NR6A1: variants seen among roughly 807,000 people sequenced by gnomAD.
The protein encoded by NR6A1 is retinoic acid receptor-related testis-associated receptor.
NR6A1 carries 7 observed loss-of-function variants against 59.1 expected under a neutral mutation model. The ratio of observed to expected loss-of-function variants is 0.12; its 90% CI spans 0.07 to 0.22. The LOEUF is 0.22. NR6A1 is among the 10% of genes least tolerant of loss of function. The pLI is 1.00. For missense variants in NR6A1, 468 were observed against 611.6 expected (o/e 0.77, Z 2.48); for synonymous variants, 243 against 236.1 (o/e 1.03, Z -0.27).
intron 1 of NR6A1, among the ~76,000 whole-genome samples, chr9:124,738,156 A>C (rs2131140484): frequency 6.6e-6 from 1 of 152,172 alleles, no homozygotes; most frequent in African/African-American, 2.4e-5. Context: ...CAGGAGGCTG[A>C]GGCAAGAGAA....
chr9:124,649,982 G>A (rs1837050532), intron 2 of NR6A1, among the ~76,000 whole-genome samples: 2 of 152,156 alleles, frequency 1.3e-5, no homozygotes, highest in African/African-American at 4.8e-5. Flanking sequence ...CTTCTACACT[G>A]TTGATGGGAA....
chr9:124,528,686 T>C (rs888443123), intron 7 of NR6A1, among the ~76,000 whole-genome samples: 1 of 149,600 alleles, frequency 6.7e-6, no homozygotes, highest in Admixed American at 6.7e-5. Flanking sequence ...GGCAATAGAG[T>C]GAGACCCTGT....
chr9:124,669,009 C>G (rs1396998840), intron 2 of NR6A1, among the ~76,000 whole-genome samples: 1 of 152,002 alleles, frequency 6.6e-6, no homozygotes, highest in Admixed American at 6.6e-5. Context: ...ATTATACATC[C>G]CTAACAAATA....
In NR6A1 at chr9:124,522,365, C is replaced by T. The variant is rs1260367661; in HGVS notation, c.*340G>A. 3.4e-5 allele frequency: 6 copies of T among 178,478 alleles called. No homozygotes were observed. The highest frequency in any genetic ancestry group is 6.0e-5 in the Non-Finnish European group (5 of 82,914). The allele number at this position is 178,478 out of a possible 1,614,324, so 11.1% of individuals were successfully genotyped here. ...AATAGTCATCTTAGCCCCATCCCAC[C>T]CTCTCCCTCAAAATACAAAAGAACT... On this transcript the variant is annotated 3_prime_UTR_variant, in exon 10 of 10. Transcript: ENST00000487099.
At chr9:124,602,505 T>C (rs1250722104) in intron 2 of NR6A1, among the ~76,000 whole-genome samples, 2 of 152,174 alleles carry the variant, frequency 1.3e-5, no homozygotes, top group Admixed American at 1.3e-4. Context: ...AGTCTCAAAC[T>C]TGGGGGCAGA....
At chr9:124,554,671 C>T in intron 2 of NR6A1, 101 bp from the exon 3 acceptor site, 1 of 1,488,896 alleles carries the variant, frequency 6.7e-7, no homozygotes. Context: ...CCACCACTAT[C>T]TCCAGGCTAA....
At chr9:124,717,243 G>A (rs1332382730) in intron 2 of NR6A1, among the ~76,000 whole-genome samples, 1 of 152,156 alleles carries the variant, frequency 6.6e-6, no homozygotes, top group Non-Finnish European at 1.5e-5. Context: ...CTAGATGTAT[G>A]ACTAAGAGAA....
intron 2 of NR6A1, among the ~76,000 whole-genome samples, chr9:124,732,543 C>A (rs1839914554): frequency 6.6e-6 from 1 of 152,070 alleles, no homozygotes; most frequent in Non-Finnish European, 1.5e-5. Flanking sequence ...AACCATAAGA[C>A]CGTAAATGAA....
At chr9:124,701,283 T>C (rs1463934823) in intron 2 of NR6A1, among the ~76,000 whole-genome samples, 1 of 152,228 alleles carries the variant, frequency 6.6e-6, no homozygotes, top group Non-Finnish European at 1.5e-5. Flanking sequence ...CCTGAGGGTG[T>C]ACAGTGGACA....
intron 2 of NR6A1, among the ~76,000 whole-genome samples, chr9:124,727,075 T>C (rs964672232): frequency 1.6e-4 from 25 of 152,142 alleles, no homozygotes; most frequent in African/African-American, 6.0e-4. Flanking sequence ...TGCTGAATCA[T>C]TTTTAAATGG....
chr9:124,627,130 T>C (rs896235928), intron 2 of NR6A1, among the ~76,000 whole-genome samples: 1 of 152,214 alleles, frequency 6.6e-6, no homozygotes, highest in Admixed American at 6.5e-5. Flanking sequence ...CATATATTGT[T>C]TCATTCAACA....
At chr9:124,765,520 T>C (rs1840907976) in intron 1 of NR6A1, among the ~76,000 whole-genome samples, 1 of 152,204 alleles carries the variant, frequency 6.6e-6, no homozygotes, top group African/African-American at 2.4e-5. Context: ...AAATGAAGTT[T>C]CAAAGTAGGC....
chr9:124,649,233 C>CAAAAAAAAAAAA (rs78432505), intron 2 of NR6A1, among the ~76,000 whole-genome samples: 3 of 41,438 alleles, frequency 7.2e-5, no homozygotes, highest in Admixed American at 2.8e-4. Context: ...GGTACTGGCA[C>CAAAAAAAAAAAA]AAAAAAAAAA....
intron 2 of NR6A1, among the ~76,000 whole-genome samples, chr9:124,562,110 G>T (rs975934913): frequency 6.6e-6 from 1 of 152,132 alleles, no homozygotes; most frequent in Admixed American, 6.6e-5. Flanking sequence ...TCTTAAATTT[G>T]GTGCTGGAAA....
At chr9:124,643,108 G>GA (rs1836814628) in intron 2 of NR6A1, among the ~76,000 whole-genome samples, 1 of 115,440 alleles carries the variant, frequency 8.7e-6, no homozygotes, top group African/African-American at 3.1e-5. Context: ...GGGTGGGGGG[G>GA]GGGAACAAAA....
chr9:124,548,156 GAAAATAAT>G (rs920933503), intron 3 of NR6A1, among the ~76,000 whole-genome samples: 2 of 83,556 alleles, frequency 2.4e-5, no homozygotes, highest in African/African-American at 9.4e-5. Context: ...AGGGGGGAGG[GAAAATAAT>G]AAAACAAATA....
chr9:124,709,984 T>C (rs1343701888), intron 2 of NR6A1, among the ~76,000 whole-genome samples: 8 of 150,910 alleles, frequency 5.3e-5, no homozygotes, highest in Non-Finnish European at 1.2e-4. Flanking sequence ...TTTCTAACAA[T>C]GTCCCTATTT....
At chr9:124,638,229 C>A (rs940150749) in intron 2 of NR6A1, among the ~76,000 whole-genome samples, 2 of 151,624 alleles carry the variant, frequency 1.3e-5, no homozygotes, top group African/African-American at 4.8e-5. Flanking sequence ...GCACTCCAAC[C>A]TGGGTAGAGT....
chr9:124,527,413 C>A (rs534630483), intron 7 of NR6A1, among the ~76,000 whole-genome samples: 1 of 152,318 alleles, frequency 6.6e-6, no homozygotes, highest in Non-Finnish European at 1.5e-5. Flanking sequence ...TCCAGCAGAG[C>A]TGAGGTTATG....
Sources: allele counts gnomAD v4.1 joint callset (sites outside exome capture counted in the v4.1 genomes callset), GRCh38; gene constraint gnomAD v4.1.1; transcripts MANE v1.5; gene names NCBI Gene and HGNC (gene_info 2026-07-23, HGNC 2026-07-21).